Variants in OR4F16 observed in about 807,000 individuals in gnomAD.
The protein encoded by OR4F16 is olfactory receptor family 4 subfamily F member 16.
chr1:701,384 C>T, the OR4F16 span, among the ~76,000 whole-genome samples: 1 of 149,646 alleles, frequency 6.7e-6, no homozygotes, highest in Non-Finnish European at 1.5e-5. Context: ...GTTTGTGGAT[C>T]TGGCTGGGGA....
At chr1:702,315 C>A in the OR4F16 span, 1 of 146,670 alleles carries the variant, frequency 6.8e-6, no homozygotes, top group Admixed American at 6.8e-5. Context: ...CCATTGCACT[C>A]CAGCCTGGGC....
the OR4F16 span, among the ~76,000 whole-genome samples, chr1:680,195 A>G: frequency 1.4e-5 from 1 of 72,896 alleles, no homozygotes; most frequent in Admixed American, 1.4e-4. Context: ...TCAATAAACT[A>G]GGTACTGATG....
At chr1:691,039 A>T (rs1643054119), upstream of OR4F16, among the ~76,000 whole-genome samples, 1 of 149,056 alleles carries the variant, frequency 6.7e-6, no homozygotes, top group Admixed American at 6.6e-5. Flanking sequence ...CAACTATGAT[A>T]CATCAATAAA....
chr1:701,230 GA>G, the OR4F16 span, among the ~76,000 whole-genome samples: 1 of 145,858 alleles, frequency 6.9e-6, no homozygotes, highest in Non-Finnish European at 1.5e-5. Flanking sequence ...AAGAGCTTAA[GA>G]AGTCTACTGG....
the OR4F16 span, among the ~76,000 whole-genome samples, chr1:714,503 AAT>A: frequency 2.1e-4 from 3 of 14,484 alleles, no homozygotes. Context: ...AAAGAGAGAA[AAT>A]ATATGAGGGA....
chr1:691,385 T>C (rs1164368023), upstream of OR4F16, among the ~76,000 whole-genome samples: 2 of 152,092 alleles, frequency 1.3e-5, no homozygotes, highest in African/African-American at 4.8e-5. Flanking sequence ...CACTTAAGTA[T>C]ATTTCCCAGT....
the OR4F16 span, among the ~76,000 whole-genome samples, chr1:679,964 T>G: frequency 1.5e-5 from 2 of 135,930 alleles, no homozygotes; most frequent in African/African-American, 5.9e-5. Context: ...GCAAAAATCC[T>G]CAATAAAATA....
the OR4F16 span, chr1:702,261 C>T: frequency 2.3e-5 from 3 of 129,874 alleles, no homozygotes; most frequent in African/African-American, 5.9e-5. Flanking sequence ...GCAGGAGAAT[C>T]GCTTGAACCC....
upstream of OR4F16, among the ~76,000 whole-genome samples, chr1:691,246 G>A (rs1226217031): frequency 3.9e-5 from 6 of 151,952 alleles, no homozygotes; most frequent in African/African-American, 1.2e-4. Flanking sequence ...TATAATCTGA[G>A]GCCTACCTAC....
the OR4F16 span, among the ~76,000 whole-genome samples, chr1:701,293 C>T: frequency 5.1e-3 from 755 of 149,298 alleles, 47 homozygotes; most frequent in African/African-American, 0.018. Context: ...CTGAGGAAAA[C>T]GCACCAAAGT....
the OR4F16 span, among the ~76,000 whole-genome samples, chr1:680,080 T>A: frequency 8.0e-6 from 1 of 124,882 alleles, no homozygotes; most frequent in Admixed American, 7.8e-5. Context: ...TCAATAAACA[T>A]AATTCATCAT....
chr1:713,356 G>A, the OR4F16 span, among the ~76,000 whole-genome samples: 1 of 63,186 alleles, frequency 1.6e-5, no homozygotes, highest in Non-Finnish European at 2.6e-5. Context: ...TAAAGGGACA[G>A]CAATAAGCAA....
the OR4F16 span, among the ~76,000 whole-genome samples, chr1:679,900 A>C: frequency 7.9e-6 from 1 of 126,566 alleles, no homozygotes; most frequent in Non-Finnish European, 1.6e-5. Flanking sequence ...AATTTGGCAG[A>C]GACACAACAA....
chr1:691,289 T>A (rs1643060102), upstream of OR4F16, among the ~76,000 whole-genome samples: 1 of 151,996 alleles, frequency 6.6e-6, no homozygotes, highest in African/African-American at 2.4e-5. Context: ...AAATTATTTC[T>A]CAAATTTTAA....
chr1:714,067 G>GTA, the OR4F16 span, among the ~76,000 whole-genome samples: 3 of 142,926 alleles, frequency 2.1e-5, no homozygotes, highest in Admixed American at 1.4e-4. Context: ...ATGTGTGTGT[G>GTA]TATATATATA....
At chr1:690,582 T>A (rs1295206963), upstream of OR4F16, among the ~76,000 whole-genome samples, 1 of 139,942 alleles carries the variant, frequency 7.1e-6, no homozygotes, top group African/African-American at 2.8e-5. Context: ...CTTACCTCCA[T>A]ACATTATGGT....
the OR4F16 span, among the ~76,000 whole-genome samples, chr1:677,264 AC>A: frequency 1.1e-5 from 1 of 93,334 alleles, no homozygotes; most frequent in Non-Finnish European, 1.9e-5. Context: ...ATGGAGAGAA[AC>A]CAGAGCAAAA....
the OR4F16 span, among the ~76,000 whole-genome samples, chr1:701,208 C>T: frequency 7.1e-6 from 1 of 140,896 alleles, no homozygotes; most frequent in Non-Finnish European, 1.5e-5. Context: ...CTTAAGGAGA[C>T]TGAAAACTTG....
the OR4F16 span, among the ~76,000 whole-genome samples, chr1:708,336 GT>G: frequency 6.8e-6 from 1 of 146,810 alleles, no homozygotes; most frequent in Non-Finnish European, 1.5e-5. Context: ...TCTAAAATGT[GT>G]ATAGAAGACC....
Sources: allele counts gnomAD v4.1 joint callset (sites outside exome capture counted in the v4.1 genomes callset), GRCh38; gene constraint gnomAD v4.1.1; transcripts MANE v1.5; gene names NCBI Gene and HGNC (gene_info 2026-07-23, HGNC 2026-07-21).